CCN4: variants seen among roughly 807,000 people sequenced by gnomAD.
CCN4 encodes CCN family member 4.
Under a neutral mutation model 36.7 loss-of-function variants are expected in CCN4, and 30 were observed. The ratio of observed to expected loss-of-function variants is 0.82; its 90% CI spans 0.61 to 1.11. The LOEUF (loss-of-function observed/expected upper bound fraction) is 1.11, where lower values mean the gene tolerates loss of function less well. Among genes scored for constraint, CCN4 ranks in the 50% least tolerant of loss-of-function variants. The pLI, the probability that CCN4 is intolerant of heterozygous loss-of-function variation, is 0.00. For missense variants in CCN4, 505 were observed against 504.9 expected, an observed-to-expected ratio of 1.00 and a Z score of 0.00; for synonymous variants, 191 against 195.4, an observed-to-expected ratio of 0.98 and a Z score of 0.19.
intron 3 of CCN4, among the ~76,000 whole-genome samples, chr8:133,222,433 A>T (rs1244177940): frequency 6.6e-6 from 1 of 152,036 alleles, no homozygotes; most frequent in Non-Finnish European, 1.5e-5. Context: ...TGCCCTGCCC[A>T]CGGGATCTTA....
At chr8:133,193,596 A>G (rs1002329986) in intron 1 of CCN4, among the ~76,000 whole-genome samples, 1 of 152,254 alleles carries the variant, frequency 6.6e-6, no homozygotes, top group African/African-American at 2.4e-5. Context: ...CTGAGCCAAC[A>G]CATGTATAAG....
chr8:133,202,694 G>C (rs1345142813), intron 1 of CCN4, among the ~76,000 whole-genome samples: 2 of 152,190 alleles, frequency 1.3e-5, no homozygotes, highest in Admixed American at 6.5e-5. Flanking sequence ...GAAGGAGGAG[G>C]ATGTACCTGG....
chr8:133,217,350 G>C (rs1310392064), intron 2 of CCN4, among the ~76,000 whole-genome samples: 1 of 152,274 alleles, frequency 6.6e-6, no homozygotes, highest in East Asian at 1.9e-4. Context: ...TGTGAAGGGA[G>C]GGAAGGCCCC....
chr8:133,198,402 C>T (rs543450718), intron 1 of CCN4, among the ~76,000 whole-genome samples: 1 of 152,286 alleles, frequency 6.6e-6, no homozygotes, highest in Admixed American at 6.5e-5. Context: ...ACATCAGCAC[C>T]TGGACGTCCG....
chr8:133,202,597 C>T (rs1588185018), intron 1 of CCN4, among the ~76,000 whole-genome samples: 1 of 152,200 alleles, frequency 6.6e-6, no homozygotes, highest in Non-Finnish European at 1.5e-5. Context: ...TAGAAAATCT[C>T]GAAAACCTTC....
chr8:133,230,758 C>T lies in CCN4; in HGVS notation c.*3048C>T, dbSNP rs1854929820. Reference sequence around the variant, plus strand: ...CAAAAGGGAAGGAGACCTGAATTCACCAAGTTAAATCTTGCTAAACCTTAT... The same window carrying T: ...CAAAAGGGAAGGAGACCTGAATTCATCAAGTTAAATCTTGCTAAACCTTAT... On this transcript the variant is annotated 3_prime_UTR_variant, in exon 5 of 5. Transcript: ENST00000250160. 6.6e-6 allele frequency: 1 copy of T among 152,232 alleles called. No homozygotes were observed. Among genetic ancestry groups the T allele is most frequent in the Non-Finnish European group, 1.5e-5 (1 of 68,038 alleles). 9.4% of individuals were successfully genotyped at this position (152,232 alleles called of 1,614,324 possible).
At chr8:133,208,873 A>G (rs1237485737) in intron 1 of CCN4, among the ~76,000 whole-genome samples, 1 of 152,180 alleles carries the variant, frequency 6.6e-6, no homozygotes, top group Non-Finnish European at 1.5e-5. Flanking sequence ...ACAAAATAAA[A>G]GCTGACTACA....
At chr8:133,201,402 A>C (rs930336925) in intron 1 of CCN4, among the ~76,000 whole-genome samples, 2 of 152,228 alleles carry the variant, frequency 1.3e-5, no homozygotes, top group Admixed American at 6.5e-5. Flanking sequence ...TTAACTAGAG[A>C]AAGTTACAAA....
intron 2 of CCN4, 79 bp from the exon 3 acceptor site, chr8:133,220,502 C>T: frequency 6.4e-7 from 1 of 1,563,578 alleles, no homozygotes; most frequent in Admixed American, 1.7e-5. Context: ...GCATGGTCCA[C>T]ATGGAGCCCC....
At chr8:133,222,431 C>T (rs1282453863) in intron 3 of CCN4, among the ~76,000 whole-genome samples, 1 of 151,906 alleles carries the variant, frequency 6.6e-6, no homozygotes, top group African/African-American at 2.4e-5. Flanking sequence ...AGTGCCCTGC[C>T]CACGGGATCT....
intron 2 of CCN4, among the ~76,000 whole-genome samples, chr8:133,214,516 T>TGTTGTTGTTGTTGTTA (rs1439864121): frequency 3.9e-5 from 6 of 152,060 alleles, no homozygotes; most frequent in Non-Finnish European, 7.4e-5. Context: ...TGGTTGTTGT[T>TGTTGTTGTTGTTGTTA]GTTGTTGTTG....
In CCN4 at chr8:133,213,162, C is replaced by A. The variant is rs748109661; in HGVS notation, c.349+19C>A. 1.3e-6 allele frequency: 2 copies of A among 1,582,154 alleles called. No individual in the cohort carries two copies. The highest frequency in any genetic ancestry group is 1.1e-5 in the South Asian group (1 of 89,148). ...TGTGCACGTAAGTGAGTCCTCCATA[C>A]CTTCTGACCAGCCCCTGAGCACCCC... On this transcript the variant is annotated intron_variant, in intron 2 of 4. Transcript: ENST00000250160.
chr8:133,195,331 T>G (rs1003619045), intron 1 of CCN4, among the ~76,000 whole-genome samples: 1 of 151,928 alleles, frequency 6.6e-6, no homozygotes, highest in Non-Finnish European at 1.5e-5. Flanking sequence ...TGTGTGTGTG[T>G]GTGAACCTTG....
At chr8:133,218,074 C>G (rs28615068) in intron 2 of CCN4, among the ~76,000 whole-genome samples, 2 of 151,868 alleles carry the variant, frequency 1.3e-5, no homozygotes, top group African/African-American at 2.4e-5. Context: ...CCCTCCTTCA[C>G]TGGTGTCTGG....
rs148354420 is a variant in CCN4 at position 133,212,883 on chromosome 8, C to G, written c.89C>G (p.Thr30Arg). The change falls in exon 2 of 5, where the codon ACG (threonine) becomes AGG (arginine). Residue 30 changes from threonine (T) to arginine (R), a missense_variant. Thr to Arg is a moderately conservative substitution (Grantham distance 71, BLOSUM62 -1). Coordinates refer to ENST00000250160, the MANE Select transcript of CCN4 (RefSeq NM_003882.4). Reference protein sequence around the residue: ...VLATALSPAPTTMDFTPAPLE... With the variant: ...VLATALSPAPRTMDFTPAPLE... ...CCGCAGGCCCTCTCTCCAGCCCCTA[C>G]GACCATGGACTTTACCCCAGCTCCA... The G allele has an allele frequency of 1.3e-5, 21 of 1,601,558 alleles. 1 individual carries two copies. The African/African-American group carries it at 2.5e-4, about 19-fold the overall frequency.
chr8:133,206,786 C>T (rs965169149), intron 1 of CCN4, among the ~76,000 whole-genome samples: 1 of 152,186 alleles, frequency 6.6e-6, no homozygotes, highest in African/African-American at 2.4e-5. Context: ...AATTAAGGTC[C>T]CAGAACTAAC....
intron 2 of CCN4, among the ~76,000 whole-genome samples, chr8:133,218,784 C>T (rs1854417964): frequency 1.3e-5 from 2 of 152,100 alleles, no homozygotes; most frequent in Admixed American, 1.3e-4. Context: ...CCAGAAGTCC[C>T]CAACTCTCCC....
In CCN4 at chr8:133,191,168, G is replaced by T. The variant is rs147864416; in HGVS notation, c.24G>T (p.Thr8=). The stretch of plus-strand genomic sequence containing the variant: ...GCATGAGGTGGTTCCTGCCCTGGAC[G>T]CTGGCAGCAGTGACAGCAGCAGCCG... MRWFLPW[T]LAAVTAAAAS... is the part of the protein sequence containing the mutation. Residue 8 remains threonine (T), a synonymous_variant, in exon 1 of 5, where the codon ACG becomes ACT. Transcript: ENST00000250160. 7.5e-5 allele frequency: 120 copies of T among 1,606,152 alleles called. No individual in the cohort carries two copies. The African/African-American group carries it at 9.5e-4, about 13-fold the overall frequency.
In CCN4 at chr8:133,228,524, G is replaced by C. The variant is rs1334647305; in HGVS notation, c.*814G>C. ...TGGCAGGGCTTTGGGCAGTTGGCCA[G>C]GCTCTTCCTTGAATCTTCTCCCTTG... On this transcript the variant is annotated 3_prime_UTR_variant, in exon 5 of 5. Transcript: ENST00000250160. 1 of 152,254 alleles carries C rather than the reference G, an allele frequency of 6.6e-6. No individual in the cohort carries two copies. Among genetic ancestry groups the C allele is most frequent in the Non-Finnish European group, 1.5e-5 (1 of 68,120 alleles). 9.4% of individuals were successfully genotyped at this position (152,254 alleles called of 1,614,324 possible).
Sources: allele counts gnomAD v4.1 joint callset (sites outside exome capture counted in the v4.1 genomes callset), GRCh38; gene constraint gnomAD v4.1.1; transcripts MANE v1.5; gene names NCBI Gene and HGNC (gene_info 2026-07-23, HGNC 2026-07-21).